EZH1: variants seen among roughly 807,000 people sequenced by gnomAD.
The protein encoded by EZH1 is enhancer of zeste 1 polycomb repressive complex 2 subunit.
EZH1 carries 33 observed loss-of-function variants against 100.5 expected under a neutral mutation model. The ratio of observed to expected loss-of-function variants is 0.33; its 90% confidence interval spans 0.25 to 0.44. EZH1 has a LOEUF of 0.44. Among genes scored for constraint, EZH1 ranks in the 20% least tolerant of loss-of-function variants. The pLI, the probability that EZH1 is intolerant of heterozygous loss-of-function variation, is 1.00. For missense variants in EZH1, 475 were observed against 928.4 expected (o/e 0.51, Z 6.35); for synonymous variants, 272 against 313.8 (o/e 0.87, Z 1.41).
chr17:42,722,108 C>T (rs1411475299), intron 6 of EZH1, among the ~76,000 whole-genome samples: 3 of 148,980 alleles, frequency 2.0e-5, no homozygotes, highest in African/African-American at 7.5e-5. Flanking sequence ...GAGATTGTGC[C>T]ACTGCGCTCC....
At chr17:42,721,880 G>A (rs964516341) in intron 6 of EZH1, among the ~76,000 whole-genome samples, 1 of 151,768 alleles carries the variant, frequency 6.6e-6, no homozygotes, top group East Asian at 1.9e-4. Flanking sequence ...GGCCGGGCAC[G>A]GTGGCTCACG....
chr17:42,744,899 T>C, intron 1 of EZH1, 112 bp downstream of exon 1: 2 of 1,154,498 alleles, frequency 1.7e-6, no homozygotes, highest in South Asian at 1.4e-5. Flanking sequence ...AGTGTGTCCC[T>C]CGGATTCCTT....
At chr17:42,722,772 TC>T in intron 6 of EZH1, 22 bp downstream of exon 6, 1 of 1,602,194 alleles carries the variant, frequency 6.2e-7, no homozygotes, top group Non-Finnish European at 8.5e-7. Context: ...CAAAATTTTC[TC>T]CAAGGAGTTC....
In EZH1 at chr17:42,722,859, T is replaced by C. The variant is rs2053742988; in HGVS notation, c.423A>G (p.Glu141=). The C allele has an allele frequency of 6.2e-7, 1 of 1,614,000 alleles. No individual in the cohort carries two copies. The part of the protein sequence containing the change: ...NIPYMGDEVK[E]EDETFIEELI... ...GCTCCTCAATAAAAGTCTCATCTTC[T>C]TCTTTCACTTCATCTCCCATGTAGG... The change falls in exon 6 of 21, where the codon GAA becomes GAG. Residue 141 remains glutamate, a synonymous_variant. Coordinates refer to ENST00000428826, the MANE Select transcript of EZH1 (RefSeq NM_001991.5).
At chr17:42,719,230 C>A in intron 7 of EZH1, 23 bp from the exon 8 acceptor site, 1 of 1,557,876 alleles carries the variant, frequency 6.4e-7, no homozygotes, top group Non-Finnish European at 8.9e-7. Context: ...TGATAAAAAG[C>A]TCCTGAGTGC....
chr17:42,735,859 C>T (rs2054055473), intron 1 of EZH1, among the ~76,000 whole-genome samples: 2 of 152,152 alleles, frequency 1.3e-5, no homozygotes, highest in African/African-American at 4.8e-5. Context: ...GTGGCGTCTG[C>T]CTGCAATCTC....
chr17:42,709,163 A>C, intron 13 of EZH1: 3 of 554,936 alleles, frequency 5.4e-6, no homozygotes. Flanking sequence ...AAAAGAACAC[A>C]ACACAGAAAT....
intron 1 of EZH1, among the ~76,000 whole-genome samples, chr17:42,737,913 A>T (rs1227724682): frequency 2.6e-5 from 4 of 152,250 alleles, no homozygotes; most frequent in South Asian, 2.1e-4. Flanking sequence ...GCGGTGGCTC[A>T]CGCCTGCAAT....
In EZH1 at chr17:42,708,219, G is replaced by A. The variant is rs949483802; in HGVS notation, c.1535-136C>T. 19 of 1,026,696 alleles carry A rather than the reference G, an allele frequency of 1.9e-5. No individual in the cohort carries two copies. The African/African-American group carries it at 3.1e-4, about 17-fold the overall frequency. 63.6% of individuals were successfully genotyped at this position (1,026,696 alleles called of 1,614,324 possible). On this transcript the variant is annotated intron_variant, in intron 14 of 20. Transcript: ENST00000428826. ...TGGACACACATTTAGCACCTGAAGT[G>A]AGAAGACAGGGATGACCGTTGTTCA...
chr17:42,723,428 G>A (rs185707643), intron 5 of EZH1, among the ~76,000 whole-genome samples: 45 of 152,004 alleles, frequency 3.0e-4, no homozygotes, highest in Admixed American at 2.4e-3. Flanking sequence ...AAAAATGAAG[G>A]CTTCTAAGAT....
chr17:42,716,533 G>C (rs2053607726), intron 10 of EZH1, among the ~76,000 whole-genome samples: 1 of 152,138 alleles, frequency 6.6e-6, no homozygotes, highest in Non-Finnish European at 1.5e-5. Context: ...ATCTCTGTAA[G>C]TTAAACATGC....
intron 13 of EZH1, chr17:42,709,596 C>T (rs1199382594): frequency 4.9e-6 from 2 of 405,758 alleles, no homozygotes; most frequent in East Asian, 4.0e-5. Context: ...GTCCTATTGG[C>T]CAGAAGCTTA....
intron 10 of EZH1, chr17:42,714,462 T>C: frequency 3.3e-6 from 1 of 300,928 alleles, no homozygotes; most frequent in Non-Finnish European, 6.7e-6. Flanking sequence ...CTTCGGGGGG[T>C]TTGTGCTATG....
At chr17:42,712,640 C>T (rs1321706832) in intron 11 of EZH1, among the ~76,000 whole-genome samples, 155 bp from the exon 12 acceptor site, 1 of 152,186 alleles carries the variant, frequency 6.6e-6, no homozygotes, top group African/African-American at 2.4e-5. Context: ...TGGTGGCTCA[C>T]GCCTGTAATC....
At position 42,721,563 on chromosome 17, in the gene EZH1, G is replaced by A. The variant is rs149202741; in HGVS notation, c.488-1114C>T. On this transcript the variant is annotated intron_variant, in intron 6 of 20. Coordinates refer to ENST00000428826, the MANE Select transcript of EZH1 (RefSeq NM_001991.5). ...ATTTGTACAATAAACTTTCTCTCCA[G>A]CCACTGATTACTACATAATCCTTTT... 1.7e-3 allele frequency among the ~76,000 whole-genome samples: 257 copies of A among 152,032 alleles called. 1 individual carries two copies. The highest frequency in any genetic ancestry group is 6.1e-3 in the African/African-American group (253 of 41,466).
chr17:42,710,288 A>T (rs1567987014), intron 12 of EZH1, among the ~76,000 whole-genome samples: 1 of 152,210 alleles, frequency 6.6e-6, no homozygotes, highest in Non-Finnish European at 1.5e-5. Context: ...TGCCTTGTGT[A>T]ACTGAGTGTA....
At chr17:42,704,763 G>A in intron 17 of EZH1, 80 bp from the exon 18 acceptor site, 5 of 1,120,328 alleles carry the variant, frequency 4.5e-6, no homozygotes, top group East Asian at 2.5e-5. Flanking sequence ...GAAAGGGCTG[G>A]GTGGTATCTC....
At chr17:42,709,740 C>G in intron 13 of EZH1, 106 bp downstream of exon 13, 1 of 1,019,484 alleles carries the variant, frequency 9.8e-7, no homozygotes, top group South Asian at 1.4e-5. Flanking sequence ...GCTCACACAG[C>G]CTGTGCGGTT....
intron 1 of EZH1, among the ~76,000 whole-genome samples, chr17:42,744,300 C>T (rs1230170871): frequency 1.3e-5 from 2 of 152,160 alleles, no homozygotes; most frequent in Non-Finnish European, 2.9e-5. Context: ...TGCTTCAAGG[C>T]ACTTTTATTT....
Sources: gnomAD v4.1 joint callset for allele counts (sites outside exome capture counted in the v4.1 genomes callset) on GRCh38, gnomAD v4.1.1 for gene constraint, MANE v1.5 for transcripts, NCBI Gene and HGNC (gene_info 2026-07-23, HGNC 2026-07-21) for gene names.